DNAAF4: variants seen among roughly 807,000 people sequenced by gnomAD.
DNAAF4 encodes the protein dynein axonemal assembly factor 4, also known as dynein assembly factor 4, axonemal.
A neutral mutation model predicts 51.8 loss-of-function variants in DNAAF4; 43 were observed. The observed-to-expected ratio is 0.83, with a 90% CI of 0.65 to 1.07. DNAAF4 has a LOEUF of 1.07. Among genes scored for constraint, DNAAF4 ranks in the 50% least tolerant of loss-of-function variants. The pLI is 0.00. For missense variants in DNAAF4, 581 were observed against 493.0 expected, an observed-to-expected ratio of 1.18 and a Z score of -1.69; for synonymous variants, 194 against 165.6, an observed-to-expected ratio of 1.17 and a Z score of -1.32.
At chr15:55,482,934 T>C (rs1179517073) in intron 4 of DNAAF4, among the ~76,000 whole-genome samples, 1 of 152,080 alleles carries the variant, frequency 6.6e-6, no homozygotes, top group Non-Finnish European at 1.5e-5. Flanking sequence ...AAGCCTCCCA[T>C]AAAGACTGAT....
chr15:55,454,946 AAAGAAC>A (rs1434640929), intron 5 of DNAAF4, among the ~76,000 whole-genome samples: 3 of 151,846 alleles, frequency 2.0e-5, no homozygotes, highest in African/African-American at 7.2e-5. Context: ...GTCTCAAAAA[AAAGAAC>A]AATATTAGAA....
chr15:55,438,164 A>T (rs551950562), intron 7 of DNAAF4, among the ~76,000 whole-genome samples: 1 of 151,984 alleles, frequency 6.6e-6, no homozygotes, highest in Non-Finnish European at 1.5e-5. Flanking sequence ...TGAGGTCAGG[A>T]GTTTGAGACC....
At chr15:55,448,591 C>T (rs970801811) in intron 6 of DNAAF4, among the ~76,000 whole-genome samples, 46 of 149,128 alleles carry the variant, frequency 3.1e-4, no homozygotes, top group Middle Eastern at 3.5e-3. Context: ...TTCTATGGGC[C>T]GGGCGCAGTG....
intron 4 of DNAAF4, among the ~76,000 whole-genome samples, chr15:55,468,606 T>C (rs539735493): frequency 6.6e-6 from 1 of 152,248 alleles, no homozygotes; most frequent in South Asian, 2.1e-4. Flanking sequence ...CCAGCCTAAT[T>C]ATATGTCTGC....
At chr15:55,470,445 T>A (rs2058237685) in intron 4 of DNAAF4, among the ~76,000 whole-genome samples, 1 of 152,020 alleles carries the variant, frequency 6.6e-6, no homozygotes. Flanking sequence ...GCACAGAGTT[T>A]CCATGCCTTC....
intron 4 of DNAAF4, among the ~76,000 whole-genome samples, chr15:55,475,889 T>A (rs1349859903): frequency 1.3e-5 from 2 of 152,142 alleles, no homozygotes; most frequent in African/African-American, 4.8e-5. Flanking sequence ...CTGGTTAGGA[T>A]AAGTGCTTAA....
rs188174517 is a variant in DNAAF4 at position 55,432,059 on chromosome 15, G to A, written c.1153+438C>T. On this transcript the variant is annotated intron_variant, in intron 9 of 9. Transcript: ENST00000321149. ...CAATCTCCGCCTCCCGGGTTCAAGG[G>A]ATTCTCCTGCCTTAGCCTCCCAAGT... 2.2e-3 allele frequency among the ~76,000 whole-genome samples: 340 copies of A among 152,082 alleles called. 1 individual carries two copies. The highest frequency in any genetic ancestry group is 3.8e-3 in the Non-Finnish European group (255 of 67,978).
intron 4 of DNAAF4, among the ~76,000 whole-genome samples, chr15:55,479,248 G>C (rs2058376108): frequency 6.6e-6 from 1 of 151,908 alleles, no homozygotes; most frequent in African/African-American, 2.4e-5. Context: ...CTTCCCAAGT[G>C]TTGCGGGAAG....
intron 4 of DNAAF4, among the ~76,000 whole-genome samples, chr15:55,486,587 T>G (rs568047095): frequency 6.6e-6 from 1 of 152,214 alleles, no homozygotes; most frequent in South Asian, 2.1e-4. Context: ...TCTTTGTTCC[T>G]GCTGGGCAAC....
At chr15:55,466,881 A>T in intron 5 of DNAAF4, 49 bp downstream of exon 5, 1 of 1,571,510 alleles carries the variant, frequency 6.4e-7, no homozygotes, top group East Asian at 2.3e-5. Context: ...AGCGTCATAT[A>T]TACTTCACCA....
At chr15:55,418,143 G>C (rs1222324980) in intron 7 of DNAAF4, 1 of 1,570,136 alleles carries the variant, frequency 6.4e-7, no homozygotes, top group Non-Finnish European at 8.6e-7. Flanking sequence ...CCTGAAAAAG[G>C]GAAGTGGGTG....
chr15:55,429,019 C>T (rs1175512586), downstream of DNAAF4, among the ~76,000 whole-genome samples: 6 of 151,226 alleles, frequency 4.0e-5, no homozygotes, highest in Non-Finnish European at 3.0e-5. Flanking sequence ...GTCAGGAGTT[C>T]GAGACCAGCC....
chr15:55,476,188 G>A (rs761487612), intron 4 of DNAAF4, among the ~76,000 whole-genome samples: 5 of 152,166 alleles, frequency 3.3e-5, no homozygotes, highest in African/African-American at 4.8e-5. Flanking sequence ...GGCAGGGCAT[G>A]GGGAGGTGGC....
chr15:55,474,047 C>T (rs1389492937), intron 4 of DNAAF4, among the ~76,000 whole-genome samples: 1 of 151,888 alleles, frequency 6.6e-6, no homozygotes, highest in African/African-American at 2.4e-5. Context: ...AGCAAAATCA[C>T]TAAGGCAAGT....
rs1169336064 is a variant in DNAAF4, at chr15:55,454,039, G to A, written c.638-3672C>T. Among the ~76,000 whole-genome samples, 4 of 152,166 alleles carry A rather than the reference G, an allele frequency of 2.6e-5. No homozygotes were observed. The East Asian group carries it at 5.9e-4, about 22-fold the overall frequency. On this transcript the variant is annotated intron_variant, in intron 5 of 9. Coordinates refer to ENST00000321149, the MANE Select transcript of DNAAF4 (RefSeq NM_130810.4). ...AAGTTGGCCAGGTATGGTGGCTCAC[G>A]CCTGTAATCCCAGGATTTTGGGAGG...
chr15:55,497,032 C>T (rs1402881577), intron 3 of DNAAF4, among the ~76,000 whole-genome samples: 3 of 152,128 alleles, frequency 2.0e-5, no homozygotes, highest in Non-Finnish European at 4.4e-5. Context: ...TAAAAGCTAT[C>T]ACATTTCCTA....
intron 3 of DNAAF4, 117 bp downstream of exon 3, chr15:55,497,595 T>TA (rs112865941): frequency 0.028 from 28,626 of 1,028,634 alleles, no homozygotes; most frequent in East Asian, 0.033. Context: ...GCAAGACTCT[T>TA]AAAAAAAAAA....
intron 1 of DNAAF4, among the ~76,000 whole-genome samples, chr15:55,506,503 A>T (rs1163381155): frequency 6.6e-6 from 1 of 152,128 alleles, no homozygotes; most frequent in Non-Finnish European, 1.5e-5. Flanking sequence ...AATTCTAGTA[A>T]CACTCCTGAG....
chr15:55,447,209 C>G (rs2057845125), intron 6 of DNAAF4, among the ~76,000 whole-genome samples: 1 of 151,002 alleles, frequency 6.6e-6, no homozygotes, highest in Non-Finnish European at 1.5e-5. Context: ...CTCCTCACTT[C>G]CCAGACGGGG....
Sources: allele counts gnomAD v4.1 joint callset (sites outside exome capture counted in the v4.1 genomes callset), GRCh38; gene constraint gnomAD v4.1.1; transcripts MANE v1.5; gene names NCBI Gene and HGNC (gene_info 2026-07-23, HGNC 2026-07-21).